MIA2: variants seen among roughly 807,000 people sequenced by gnomAD.
MIA2 encodes the protein melanoma inhibitory activity protein 2.
A neutral mutation model predicts 167.8 loss-of-function variants in MIA2; 127 were observed. The ratio of observed to expected loss-of-function variants is 0.76; its 90% CI spans 0.66 to 0.88. The LOEUF is 0.88. MIA2 is among the 40% of genes least tolerant of loss of function. MIA2 has a pLI of 0.00. For missense variants in MIA2, 1,690 were observed against 1,624.7 expected, an observed-to-expected ratio of 1.04 and a Z score of -0.69; for synonymous variants, 552 against 541.9, an observed-to-expected ratio of 1.02 and a Z score of -0.26.
intron 25 of MIA2, among the ~76,000 whole-genome samples, chr14:39,331,110 C>CT (rs1268274773): frequency 6.6e-6 from 1 of 152,060 alleles, no homozygotes; most frequent in Non-Finnish European, 1.5e-5. Context: ...TTGTAGGTCT[C>CT]TAAGAACTTG....
intron 25 of MIA2, 149 bp from the exon 26 acceptor site, chr14:39,345,755 C>A: frequency 1.7e-6 from 1 of 583,276 alleles, no homozygotes; most frequent in Non-Finnish European, 2.9e-6. Flanking sequence ...ATATGCAATT[C>A]TTCTGAAATT....
intron 25 of MIA2, among the ~76,000 whole-genome samples, chr14:39,341,231 G>A (rs2071755484): frequency 6.6e-6 from 1 of 152,220 alleles, no homozygotes; most frequent in East Asian, 1.9e-4. Flanking sequence ...GACCCTGGGA[G>A]GGAGAGCTTA....
chr14:39,299,412 A>T (rs562698308), intron 13 of MIA2, among the ~76,000 whole-genome samples: 7 of 146,658 alleles, frequency 4.8e-5, no homozygotes, highest in African/African-American at 1.8e-4. Flanking sequence ...GGTTCAAGCG[A>T]TTCTCCTGCC....
chr14:39,343,527 C>T (rs1402391677), intron 25 of MIA2, among the ~76,000 whole-genome samples: 1 of 152,174 alleles, frequency 6.6e-6, no homozygotes, highest in Non-Finnish European at 1.5e-5. Flanking sequence ...CTGATTTCTG[C>T]AGTATAATTC....
At chr14:39,338,412 T>C (rs1208299036) in intron 25 of MIA2, among the ~76,000 whole-genome samples, 4 of 152,220 alleles carry the variant, frequency 2.6e-5, no homozygotes, top group Non-Finnish European at 5.9e-5. Context: ...GAAGTACAAA[T>C]ATTAAGCATA....
chr14:39,249,884 T>C (rs912598698), intron 4 of MIA2, among the ~76,000 whole-genome samples: 4 of 152,194 alleles, frequency 2.6e-5, no homozygotes, highest in Non-Finnish European at 5.9e-5. Context: ...TTTTTGAATT[T>C]CCAGAACTAT....
At chr14:39,345,329 C>T (rs1056362846) in intron 25 of MIA2, among the ~76,000 whole-genome samples, 1 of 152,136 alleles carries the variant, frequency 6.6e-6, no homozygotes, top group Non-Finnish European at 1.5e-5. Flanking sequence ...CCGCTTCGGC[C>T]TCTCAAAGTG....
intron 17 of MIA2, among the ~76,000 whole-genome samples, chr14:39,304,945 A>C (rs11157057): frequency 0.55 from 83,233 of 152,044 alleles, 24,522 homozygotes; most frequent in South Asian, 0.67. Flanking sequence ...GTTGAGATAA[A>C]TAGCATCTCA....
chr14:39,266,390 T>G lies in MIA2; in HGVS notation c.1888-10544T>G, dbSNP rs532209897. 1,418 of 985,434 alleles carry G rather than the reference T, an allele frequency of 1.4e-3. 2 individuals are homozygous for G. Among genetic ancestry groups the G allele is most frequent in the Admixed American group, 2.9e-3 (47 of 16,288 alleles). 61.0% of individuals were successfully genotyped at this position (985,434 alleles called of 1,614,324 possible). On this transcript the variant is annotated intron_variant, in intron 6 of 28. Coordinates refer to ENST00000640607, the MANE Select transcript of MIA2 (RefSeq NM_001329214.4). ...CTAAATTTAGAAGGCAAGGTGCTAC[T>G]TTTAGCTCCTCTTCTCGGAGGAAAA...
chr14:39,268,646 G>C (rs1189199285), intron 6 of MIA2, among the ~76,000 whole-genome samples: 1 of 152,172 alleles, frequency 6.6e-6, no homozygotes, highest in Non-Finnish European at 1.5e-5. Flanking sequence ...AGGCTTTTCC[G>C]TGGTTAGACT....
intron 10 of MIA2, chr14:39,292,740 A>G: frequency 4.2e-6 from 1 of 235,912 alleles, no homozygotes; most frequent in South Asian, 4.4e-5. Flanking sequence ...ATCCATTTGG[A>G]ATAATCCAAT....
At chr14:39,287,057 A>T (rs754738113) in intron 9 of MIA2, among the ~76,000 whole-genome samples, 3 of 149,496 alleles carry the variant, frequency 2.0e-5, no homozygotes, top group Non-Finnish European at 4.4e-5. Context: ...AATTGCTTTG[A>T]TAGTACTTCC....
intron 23 of MIA2, among the ~76,000 whole-genome samples, chr14:39,359,779 C>T (rs1240318483): frequency 1.3e-5 from 2 of 152,178 alleles, no homozygotes; most frequent in Non-Finnish European, 2.9e-5. Flanking sequence ...GTCAGTAGTG[C>T]TGTGATAAAC....
intron 6 of MIA2, among the ~76,000 whole-genome samples, chr14:39,265,075 TTTTTC>T (rs914814234): frequency 6.6e-6 from 1 of 152,150 alleles, no homozygotes; most frequent in African/African-American, 2.4e-5. Context: ...AAATTCAGGA[TTTTTC>T]TTTTCAATTA....
intron 4 of MIA2, 50 bp from the exon 5 acceptor site, chr14:39,252,698 C>T (rs763824299): frequency 1.3e-5 from 19 of 1,448,724 alleles, no homozygotes; most frequent in Admixed American, 1.1e-4. Context: ...GGGGAGCCCT[C>T]AACAAAGCAA....
intron 13 of MIA2, among the ~76,000 whole-genome samples, chr14:39,296,132 A>G (rs539882559): frequency 2.5e-4 from 38 of 151,938 alleles, no homozygotes; most frequent in Non-Finnish European, 4.3e-4. Context: ...CCCCCATCCT[A>G]AAGGTTCCTC....
Position 39,248,845 on chromosome 14 carries a change from T to C in MIA2, c.1567+704T>C, listed in dbSNP as rs564148565. The stretch of plus-strand genomic sequence containing the variant: ...GCCTCGACCTCCTGGGCTCATGCAA[T>C]TCTCTCACCTTAGCCTCCCAAGTAG... On this transcript the variant is annotated intron_variant, in intron 4 of 28. Coordinates refer to ENST00000640607, the MANE Select transcript of MIA2 (RefSeq NM_001329214.4). 2.0e-5 allele frequency among the ~76,000 whole-genome samples: 3 copies of C among 152,158 alleles called. No individual in the cohort carries two copies. The South Asian group carries it at 6.2e-4, about 32-fold the overall frequency.
At chr14:39,322,281 G>A (rs1210017603) in intron 24 of MIA2, among the ~76,000 whole-genome samples, 1 of 152,096 alleles carries the variant, frequency 6.6e-6, no homozygotes, top group African/African-American at 2.4e-5. Flanking sequence ...GGTGGCTCAT[G>A]CCTGTAATCC....
chr14:39,242,174 A>G (rs537179486), intron 3 of MIA2, among the ~76,000 whole-genome samples: 50 of 152,244 alleles, frequency 3.3e-4, no homozygotes, highest in Non-Finnish European at 5.3e-4. Flanking sequence ...TATACCAATT[A>G]TACCTCAATA....
Sources: gnomAD v4.1 joint callset for allele counts (sites outside exome capture counted in the v4.1 genomes callset) on GRCh38, gnomAD v4.1.1 for gene constraint, MANE v1.5 for transcripts, NCBI Gene and HGNC (gene_info 2026-07-23, HGNC 2026-07-21) for gene names.